PEBP4: variants seen among roughly 807,000 people sequenced by gnomAD.
PEBP4 encodes the protein phosphatidylethanolamine-binding protein 4.
In PEBP4, 22 loss-of-function variants were observed where a neutral mutation model predicts 23.9. The ratio of observed to expected loss-of-function variants is 0.92; its 90% CI spans 0.66 to 1.31. PEBP4 has a LOEUF of 1.31. PEBP4 is among the 40% of genes most tolerant of loss of function. The pLI, the probability that PEBP4 is intolerant of heterozygous loss-of-function variation, is 0.00. For missense variants in PEBP4, 324 were observed against 281.7 expected, an observed-to-expected ratio of 1.15 and a Z score of -1.07; for synonymous variants, 112 against 99.3, an observed-to-expected ratio of 1.13 and a Z score of -0.76.
At chr8:22,911,284 G>A (rs1808933794) in intron 3 of PEBP4, among the ~76,000 whole-genome samples, 1 of 152,092 alleles carries the variant, frequency 6.6e-6, no homozygotes, top group Admixed American at 6.5e-5. Flanking sequence ...CTGGTCCCTG[G>A]AAGAATGAGA....
chr8:22,878,657 TGGCCA>T (rs935087276), intron 3 of PEBP4, among the ~76,000 whole-genome samples: 3 of 152,212 alleles, frequency 2.0e-5, no homozygotes, highest in African/African-American at 7.2e-5. Context: ...ACTCTGCTAC[TGGCCA>T]GCCTGAGCAA....
intron 3 of PEBP4, among the ~76,000 whole-genome samples, chr8:22,830,288 C>T (rs1055317960): frequency 6.7e-6 from 1 of 149,988 alleles, no homozygotes; most frequent in African/African-American, 2.5e-5. Flanking sequence ...CACCACCACG[C>T]CTGGCTAATT....
At chr8:22,732,818 G>T (rs1008687774) in intron 4 of PEBP4, among the ~76,000 whole-genome samples, 1 of 152,150 alleles carries the variant, frequency 6.6e-6, no homozygotes, top group African/African-American at 2.4e-5. Context: ...GTGCTTCTGG[G>T]TTCCTAGAAC....
At chr8:22,771,943 T>C (rs921364802) in intron 4 of PEBP4, among the ~76,000 whole-genome samples, 1 of 152,258 alleles carries the variant, frequency 6.6e-6, no homozygotes, top group Non-Finnish European at 1.5e-5. Context: ...AGCCCTGCTC[T>C]GCAGGAGCAG....
At chr8:22,905,396 G>A (rs949757683) in intron 3 of PEBP4, among the ~76,000 whole-genome samples, 4 of 151,928 alleles carry the variant, frequency 2.6e-5, no homozygotes, top group Non-Finnish European at 4.4e-5. Flanking sequence ...TCGGTTTGTC[G>A]TGGGGCTTTT....
At chr8:22,920,616 C>T (rs1809180484) in intron 2 of PEBP4, among the ~76,000 whole-genome samples, 1 of 152,236 alleles carries the variant, frequency 6.6e-6, no homozygotes, top group Non-Finnish European at 1.5e-5. Context: ...TAATTATCAT[C>T]AGCCTTTACT....
chr8:22,771,532 C>T (rs1303094681), intron 4 of PEBP4, among the ~76,000 whole-genome samples: 1 of 152,042 alleles, frequency 6.6e-6, no homozygotes, highest in Admixed American at 6.6e-5. Flanking sequence ...ATAACAAAAC[C>T]ATATGTGATG....
At chr8:22,863,762 G>A (rs1807827947) in intron 3 of PEBP4, among the ~76,000 whole-genome samples, 1 of 152,140 alleles carries the variant, frequency 6.6e-6, no homozygotes, top group Non-Finnish European at 1.5e-5. Context: ...TAAGAAAAAA[G>A]AGTTCCATCT....
intron 1 of PEBP4, among the ~76,000 whole-genome samples, chr8:22,937,796 GTA>G (rs991644114): frequency 1.1e-4 from 7 of 62,572 alleles, no homozygotes; most frequent in South Asian, 4.2e-4. Flanking sequence ...GTATGTGTAT[GTA>G]TGTGTGTGTG....
At chr8:22,777,753 C>A (rs1805841895) in intron 4 of PEBP4, among the ~76,000 whole-genome samples, 1 of 152,164 alleles carries the variant, frequency 6.6e-6, no homozygotes, top group Admixed American at 6.5e-5. Flanking sequence ...GAGAATCCGA[C>A]CATGAGGTAT....
At chr8:22,840,182 C>A (rs1807293745) in intron 3 of PEBP4, among the ~76,000 whole-genome samples, 1 of 152,120 alleles carries the variant, frequency 6.6e-6, no homozygotes, top group Non-Finnish European at 1.5e-5. Flanking sequence ...AAACACGGTT[C>A]AGGTTTCGGA....
At chr8:22,771,164 C>T (rs892011742) in intron 4 of PEBP4, among the ~76,000 whole-genome samples, 18 of 152,212 alleles carry the variant, frequency 1.2e-4, no homozygotes, top group African/African-American at 4.1e-4. Flanking sequence ...TTAGTTAACA[C>T]AATGCATTGA....
At chr8:22,856,489 G>A (rs1048128930) in intron 3 of PEBP4, among the ~76,000 whole-genome samples, 2 of 152,216 alleles carry the variant, frequency 1.3e-5, no homozygotes, top group African/African-American at 4.8e-5. Flanking sequence ...GGCCGAGGCA[G>A]GCGGATTACT....
chr8:22,786,166 T>C lies in PEBP4; in HGVS notation c.357+31471A>G, dbSNP rs539046180. Among the ~76,000 whole-genome samples the C allele has an allele frequency of 3.9e-5, 6 of 152,336 alleles. No individual in the cohort carries two copies. The East Asian group carries it at 1.2e-3, about 29-fold the overall frequency. ...ACTAAACCGTTTGTTCTGGAGGGGCTCTGGATTAGTGGTACTAAGGAAAGA... is the reference window on the plus strand; with the variant it reads ...ACTAAACCGTTTGTTCTGGAGGGGCCCTGGATTAGTGGTACTAAGGAAAGA... On this transcript the variant is annotated intron_variant, in intron 4 of 6. Transcript: ENST00000256404.
chr8:22,784,453 G>A (rs1805988194), intron 4 of PEBP4, among the ~76,000 whole-genome samples: 1 of 152,236 alleles, frequency 6.6e-6, no homozygotes. Flanking sequence ...GGAAACTGAG[G>A]CAATGGAGTA....
At chr8:22,818,822 ATT>A (rs1806799018) in intron 3 of PEBP4, among the ~76,000 whole-genome samples, 2 of 152,094 alleles carry the variant, frequency 1.3e-5, no homozygotes, top group Non-Finnish European at 2.9e-5. Flanking sequence ...TTGGGGGAGT[ATT>A]TTTAGGTAAA....
chr8:22,845,435 TGAGGTTGAGCCTGG>T (rs1807411554), intron 3 of PEBP4, among the ~76,000 whole-genome samples: 2 of 151,452 alleles, frequency 1.3e-5, no homozygotes, highest in African/African-American at 2.4e-5. Context: ...CTCAGGAGGC[TGAGGTTGAGCCTGG>T]GAGGTTGAGG....
At chr8:22,784,599 C>T (rs933763890) in intron 4 of PEBP4, among the ~76,000 whole-genome samples, 3 of 152,180 alleles carry the variant, frequency 2.0e-5, no homozygotes, top group Admixed American at 6.5e-5. Context: ...CCTGATTTAG[C>T]GCACGCCTTG....
intron 3 of PEBP4, among the ~76,000 whole-genome samples, chr8:22,919,228 T>C (rs1809148163): frequency 6.6e-6 from 1 of 152,176 alleles, no homozygotes; most frequent in Non-Finnish European, 1.5e-5. Flanking sequence ...GAAGAACCCC[T>C]TGTGGCCCTT....
Sources: allele counts gnomAD v4.1 joint callset (sites outside exome capture counted in the v4.1 genomes callset), GRCh38; gene constraint gnomAD v4.1.1; transcripts MANE v1.5; gene names NCBI Gene and HGNC (gene_info 2026-07-23, HGNC 2026-07-21).